ELN: variants seen among roughly 807,000 people sequenced by gnomAD.
ELN encodes elastin.
ELN carries 65 observed loss-of-function variants against 105.8 expected under a neutral mutation model. That is an observed-to-expected ratio of 0.61 (90% CI 0.50 to 0.75). The LOEUF (loss-of-function observed/expected upper bound fraction) is 0.75. Ranked by LOEUF, ELN falls within the 30% of genes least tolerant of loss-of-function variation. The pLI is 0.00. For synonymous variants in ELN, 368 were observed against 389.2 expected (o/e 0.95, Z 0.64); for missense variants, 882 against 969.4 (o/e 0.91, Z 1.20).
chr7:74,056,824 A>T, intron 21 of ELN, 111 bp downstream of exon 21: 1 of 1,426,790 alleles, frequency 7.0e-7, no homozygotes, highest in Non-Finnish European at 9.8e-7. Context: ...GGCCTGGACC[A>T]AGGTCACGAG....
At chr7:74,033,514 G>A (rs1442339012) in intron 1 of ELN, among the ~76,000 whole-genome samples, 1 of 152,254 alleles carries the variant, frequency 6.6e-6, no homozygotes, top group Admixed American at 6.5e-5. Flanking sequence ...CCCCCCTGGG[G>A]CCACCACTCC....
chr7:74,067,106 C>T (rs1039175302), intron 32 of ELN, among the ~76,000 whole-genome samples: 5 of 152,002 alleles, frequency 3.3e-5, no homozygotes, highest in Non-Finnish European at 7.4e-5. Context: ...GCCAACATGG[C>T]GAAACCCTGT....
chr7:74,043,367 T>TCCC (rs113008111), intron 8 of ELN, 199 bp downstream of exon 8: 3 of 814,660 alleles, frequency 3.7e-6, no homozygotes. Flanking sequence ...CGGGCCCTTC[T>TCCC]CCCGGGATCT....
At position 74,042,685 on chromosome 7, in the gene ELN, G is replaced by A; in HGVS notation, c.304G>A (p.Ala102Thr). 6.2e-7 allele frequency: 1 copy of A among 1,613,314 alleles called. No individual in the cohort carries two copies. The highest frequency in any genetic ancestry group is 8.5e-7 in the Non-Finnish European group (1 of 1,180,012). Residue 102 changes from alanine to threonine, a missense_variant, in exon 6 of 33, where the codon GCC (alanine) becomes ACC (threonine). By Grantham distance (58) the Ala-to-Thr change is moderately conservative. Transcript: ENST00000252034. Reference protein sequence around the residue: ...VPGGVADAAAAYKAAKAGAGL... With the variant: ...VPGGVADAAATYKAAKAGAGL... ...TGGTGGAGTGGCTGACGCTGCTGCA[G>A]CCTATAAAGCTGCTAAGGCTGGTGA...
intron 7 of ELN, 29 bp downstream of exon 7, chr7:74,043,063 G>A: frequency 6.2e-7 from 1 of 1,614,174 alleles, no homozygotes; most frequent in Non-Finnish European, 8.5e-7. Context: ...AACTCCCTGG[G>A]TCAAAGTTGC....
chr7:74,048,298 C>T (rs1563806267), intron 14 of ELN, 97 bp downstream of exon 14: 1 of 1,566,556 alleles, frequency 6.4e-7, no homozygotes, highest in Admixed American at 1.7e-5. Flanking sequence ...AAAGCAGCAG[C>T]CCACCCTGCA....
chr7:74,033,504 C>T (rs1238669985), intron 1 of ELN, among the ~76,000 whole-genome samples: 4 of 152,250 alleles, frequency 2.6e-5, no homozygotes, highest in Non-Finnish European at 5.9e-5. Flanking sequence ...GCAGGCCCAG[C>T]CCCCCTGGGG....
At chr7:74,052,695 G>C (rs1270778487) in intron 17 of ELN, 1 of 154,920 alleles carries the variant, frequency 6.5e-6, no homozygotes, top group Non-Finnish European at 1.4e-5. Flanking sequence ...GGAAGGGAGG[G>C]AGGGAGGGAA....
chr7:74,060,674 G>C (rs569928088), intron 25 of ELN, 173 bp downstream of exon 25: 2 of 1,522,818 alleles, frequency 1.3e-6, no homozygotes, highest in African/African-American at 2.8e-5. Flanking sequence ...GGCAGACCAG[G>C]CCAAGGGACC....
chr7:74,056,408 G>C lies in ELN; in HGVS notation c.1288G>C (p.Gly430Arg). 6.2e-7 allele frequency: 1 copy of C among 1,613,872 alleles called. No individual in the cohort carries two copies. The highest frequency in any genetic ancestry group is 8.5e-7 in the Non-Finnish European group (1 of 1,179,868). ...VPGVGGVPGV[G>R]GVPGVGISPE... Reference sequence around the variant, plus strand: ...TGGTGTCGGAGGTGTTCCCGGAGTCGGAGGTGTCCCGGGAGTTGGCATTTC... The same window carrying C: ...TGGTGTCGGAGGTGTTCCCGGAGTCCGAGGTGTCCCGGGAGTTGGCATTTC... The change falls in exon 20 of 33, where the codon GGA becomes CGA. Residue 430 changes from glycine (G) to arginine (R), a missense_variant. Physicochemically the swap from Gly to Arg is moderately radical, Grantham distance 125. Coordinates refer to ENST00000252034, the MANE Select transcript of ELN (RefSeq NM_000501.4).
At chr7:74,029,360 A>T (rs553303452) in intron 1 of ELN, among the ~76,000 whole-genome samples, 1 of 152,256 alleles carries the variant, frequency 6.6e-6, no homozygotes, top group South Asian at 2.1e-4. Flanking sequence ...ACCCAGGCAC[A>T]GTTGGTTATG....
At chr7:74,057,486 C>A in intron 21 of ELN, 154 bp from the exon 22 acceptor site, 1 of 1,575,508 alleles carries the variant, frequency 6.3e-7, no homozygotes, top group Middle Eastern at 1.7e-4. Flanking sequence ...GTGTCTCCAG[C>A]CCAGAGATGG....
intron 32 of ELN, among the ~76,000 whole-genome samples, chr7:74,067,923 G>C (rs1372358531): frequency 8.6e-6 from 1 of 115,626 alleles, no homozygotes; most frequent in Non-Finnish European, 1.6e-5. Flanking sequence ...AGGGCAAGAC[G>C]ATTGCGTCTC....
At chr7:74,037,791 G>C in intron 4 of ELN, 52 bp downstream of exon 4, 1 of 1,597,232 alleles carries the variant, frequency 6.3e-7, no homozygotes, top group Non-Finnish European at 8.5e-7. Context: ...GCTGGGGAGG[G>C]AGGAGCCTAC....
intron 19 of ELN, among the ~76,000 whole-genome samples, 181 bp from the exon 20 acceptor site, chr7:74,056,090 C>CA (rs1200499600): frequency 1.3e-5 from 2 of 152,070 alleles, no homozygotes; most frequent in Admixed American, 1.3e-4. Flanking sequence ...CCCGGCCCCA[C>CA]ATTTTTTTTA....
chr7:74,028,296 G>A (rs1554660189), intron 1 of ELN, 27 bp downstream of exon 1: 2 of 1,598,004 alleles, frequency 1.3e-6, no homozygotes, highest in Non-Finnish European at 1.7e-6. Context: ...CCTGTCCCCA[G>A]CGCTGCCCAC....
In ELN at chr7:74,064,154, C is replaced by T. The variant is rs545224437; in HGVS notation, c.1993+459C>T. Among the ~76,000 whole-genome samples, 13 of 151,434 alleles carry T rather than the reference C, an allele frequency of 8.6e-5. No homozygotes were observed. In the South Asian group the frequency reaches 2.7e-3, roughly 32 times the overall value. ...AGAAAAGAGGCCAGGCATGGTGGCT[C>T]ACGCCTGTGATCCCAGCACTTTGGG... On this transcript the variant is annotated intron_variant, in intron 29 of 32. Coordinates refer to ENST00000252034, the MANE Select transcript of ELN (RefSeq NM_000501.4).
At chr7:74,060,680 G>A in intron 25 of ELN, 179 bp downstream of exon 25, 3 of 1,513,156 alleles carry the variant, frequency 2.0e-6, no homozygotes, top group Non-Finnish European at 2.7e-6. Flanking sequence ...CCAGGCCAAG[G>A]GACCCCAGGC....
intron 22 of ELN, among the ~76,000 whole-genome samples, chr7:74,059,127 T>C (rs1165343838): frequency 6.6e-6 from 1 of 151,976 alleles, no homozygotes. Context: ...CACATTGGCC[T>C]CTCAAAGTGC....
Sources: allele counts gnomAD v4.1 joint callset (sites outside exome capture counted in the v4.1 genomes callset), GRCh38; gene constraint gnomAD v4.1.1; transcripts MANE v1.5; gene names NCBI Gene and HGNC (gene_info 2026-07-23, HGNC 2026-07-21).